The following NXPH1 variants were observed in gnomAD, a reference collection of about 807,000 sequenced individuals.
NXPH1 encodes the protein neurexophilin 1.
In NXPH1, 5 loss-of-function variants were observed where a neutral mutation model predicts 23.7. That is an observed-to-expected ratio of 0.21 (90% CI 0.11 to 0.44). The LOEUF is 0.44. Ranked by LOEUF, NXPH1 falls within the 20% of genes least tolerant of loss-of-function variation. NXPH1 has a pLI of 0.99. For synonymous variants in NXPH1, 144 were observed against 122.2 expected (o/e 1.18, Z -1.18); for missense variants, 324 against 321.6 (o/e 1.01, Z -0.06).
chr7:8,657,134 G>A (rs1422478172), intron 2 of NXPH1, among the ~76,000 whole-genome samples: 1 of 152,136 alleles, frequency 6.6e-6, no homozygotes, highest in African/African-American at 2.4e-5. Flanking sequence ...TTATTTCTTA[G>A]TCTTACAGTG....
chr7:8,478,061 A>G (rs1461742282), intron 2 of NXPH1, among the ~76,000 whole-genome samples: 3 of 152,144 alleles, frequency 2.0e-5, no homozygotes, highest in Non-Finnish European at 2.9e-5. Context: ...GAATAAAAAG[A>G]TGAATGCATG....
intron 2 of NXPH1, among the ~76,000 whole-genome samples, chr7:8,562,832 A>G (rs969912886): frequency 1.4e-4 from 21 of 151,724 alleles, no homozygotes; most frequent in African/African-American, 4.6e-4. Flanking sequence ...TTGAAAAAAC[A>G]TATCTCTAGT....
At chr7:8,678,404 C>T (rs955927450) in intron 2 of NXPH1, among the ~76,000 whole-genome samples, 2 of 152,168 alleles carry the variant, frequency 1.3e-5, no homozygotes, top group Non-Finnish European at 2.9e-5. Context: ...TGTACCCTTT[C>T]CCCTTCTAGA....
At position 8,525,662 on chromosome 7, in the gene NXPH1, C is replaced by T. The variant is rs146710341; in HGVS notation, c.54+89895C>T. On this transcript the variant is annotated intron_variant, in intron 2 of 2. Coordinates refer to ENST00000405863, the MANE Select transcript of NXPH1 (RefSeq NM_152745.3). ...CATGGTACCCTGTGTCCAAGCTCCTCTAGCCATGGCTGAAAGGGGCCAACA... is the reference window on the plus strand; with the variant it reads ...CATGGTACCCTGTGTCCAAGCTCCTTTAGCCATGGCTGAAAGGGGCCAACA... 3.5e-3 allele frequency among the ~76,000 whole-genome samples: 529 copies of T among 152,326 alleles called. 1 individual carries two copies. The highest frequency in any genetic ancestry group is 0.012 in the African/African-American group (500 of 41,578).
chr7:8,651,703 T>C (rs993724121), intron 2 of NXPH1, among the ~76,000 whole-genome samples: 13 of 152,330 alleles, frequency 8.5e-5, no homozygotes, highest in African/African-American at 3.1e-4. Flanking sequence ...TTAATTTTGG[T>C]TCATCATTTC....
rs568222982 is a variant in NXPH1, at chr7:8,593,157, T to C, written c.54+157390T>C. Among the ~76,000 whole-genome samples the C allele has an allele frequency of 3.3e-5, 5 of 150,526 alleles. No homozygotes were observed. The East Asian group carries it at 9.7e-4, about 29-fold the overall frequency. On this transcript the variant is annotated intron_variant, in intron 2 of 2. Transcript: ENST00000405863. ...AGTCCCTAAGCAGATTGCATGTTTC[T>C]CAGAGTAAGAAGCATTTTTTTTTTT...
rs961509046 is a variant in NXPH1 at position 8,703,393 on chromosome 7, G to A, written c.55-47615G>A. ...AATCACTTCCCTAAGTTATATGCAC[G>A]CTATTGAAATACCTGGTTTGGTTTT... is the stretch of plus-strand genomic sequence containing the variant. On this transcript the variant is annotated intron_variant, in intron 2 of 2. Coordinates refer to ENST00000405863, the MANE Select transcript of NXPH1 (RefSeq NM_152745.3). 3.9e-5 allele frequency among the ~76,000 whole-genome samples: 6 copies of A among 152,002 alleles called. 1 individual carries two copies. Among genetic ancestry groups the A allele is most frequent in the South Asian group, 4.2e-4 (2 of 4,818 alleles).
intron 2 of NXPH1, among the ~76,000 whole-genome samples, chr7:8,711,006 G>A (rs575803973): frequency 1.3e-5 from 2 of 152,328 alleles, no homozygotes; most frequent in African/African-American, 4.8e-5. Context: ...TCCATGGAAA[G>A]TAGATTTTAT....
At chr7:8,624,621 C>G (rs963195101) in intron 2 of NXPH1, among the ~76,000 whole-genome samples, 1 of 152,034 alleles carries the variant, frequency 6.6e-6, no homozygotes, top group Admixed American at 6.6e-5. Flanking sequence ...GTGAACACAC[C>G]ATGCATCTTT....
chr7:8,534,656 A>G (rs1475350887), intron 2 of NXPH1, among the ~76,000 whole-genome samples: 2 of 152,110 alleles, frequency 1.3e-5, no homozygotes, highest in Admixed American at 1.3e-4. Flanking sequence ...GAAATATCAA[A>G]CAATAACAGT....
Position 8,468,253 on chromosome 7 carries a change from C to T in NXPH1, c.54+32486C>T, listed in dbSNP as rs114125183. Among the ~76,000 whole-genome samples the T allele has an allele frequency of 8.0e-3, 1,222 of 152,050 alleles. 16 individuals are homozygous for T. Among genetic ancestry groups the T allele is most frequent in the African/African-American group, 0.027 (1,132 of 41,494 alleles). ...AAAATAAAGTCAGACAAATGTCAGA[C>T]AAATGGCCAAGTAAGAATGATCTTT... is the stretch of plus-strand genomic sequence containing the variant. On this transcript the variant is annotated intron_variant, in intron 2 of 2. Transcript: ENST00000405863.
intron 2 of NXPH1, among the ~76,000 whole-genome samples, chr7:8,597,754 C>T (rs1422686458): frequency 6.6e-6 from 1 of 151,472 alleles, no homozygotes; most frequent in Non-Finnish European, 1.5e-5. Context: ...CACCTTTCTA[C>T]TTGGCAACAT....
At position 8,648,395 on chromosome 7, in the gene NXPH1, G is replaced by C. The variant is rs145035211; in HGVS notation, c.55-102613G>C. On this transcript the variant is annotated intron_variant, in intron 2 of 2. Coordinates refer to ENST00000405863, the MANE Select transcript of NXPH1 (RefSeq NM_152745.3). ...ATTGTTTTGATTTTTAGATCCCACA[G>C]ATAAGTGAGAATATGTGATGTTTGT... is the stretch of plus-strand genomic sequence containing the variant. Among the ~76,000 whole-genome samples, 312 of 152,214 alleles carry C rather than the reference G, an allele frequency of 2.0e-3. 1 individual carries two copies. Among genetic ancestry groups the C allele is most frequent in the African/African-American group, 7.4e-3 (306 of 41,548 alleles).
chr7:8,441,411 T>A (rs533962841), intron 2 of NXPH1, among the ~76,000 whole-genome samples: 3 of 152,258 alleles, frequency 2.0e-5, no homozygotes, highest in South Asian at 4.1e-4. Context: ...GCGCGCGCAT[T>A]TTTCTGCCTC....
chr7:8,735,674 C>T (rs1024394385), intron 2 of NXPH1, among the ~76,000 whole-genome samples: 2 of 152,150 alleles, frequency 1.3e-5, no homozygotes, highest in African/African-American at 4.8e-5. Flanking sequence ...GGAGGACTCC[C>T]TCTTTTTCTG....
intron 2 of NXPH1, among the ~76,000 whole-genome samples, chr7:8,706,410 T>C (rs575470478): frequency 2.0e-5 from 3 of 152,314 alleles, no homozygotes; most frequent in Non-Finnish European, 4.4e-5. Flanking sequence ...CCTCAATGCA[T>C]AACTAAGCCC....
At chr7:8,578,857 G>A (rs1818807468) in intron 2 of NXPH1, among the ~76,000 whole-genome samples, 1 of 152,190 alleles carries the variant, frequency 6.6e-6, no homozygotes, top group Admixed American at 6.5e-5. Context: ...AAGATTGCAG[G>A]AGTTATCAAA....
chr7:8,669,815 C>T (rs1820838749), intron 2 of NXPH1, among the ~76,000 whole-genome samples: 1 of 152,168 alleles, frequency 6.6e-6, no homozygotes, highest in African/African-American at 2.4e-5. Context: ...TTCCTACTCT[C>T]TTTAATGAAT....
intron 2 of NXPH1, among the ~76,000 whole-genome samples, chr7:8,585,520 A>G (rs910597151): frequency 6.6e-6 from 1 of 152,212 alleles, no homozygotes; most frequent in Non-Finnish European, 1.5e-5. Context: ...TGGTAGAAAG[A>G]GTCGTAGGGA....
Sources: gnomAD v4.1 joint callset for allele counts (sites outside exome capture counted in the v4.1 genomes callset) on GRCh38, gnomAD v4.1.1 for gene constraint, MANE v1.5 for transcripts, NCBI Gene and HGNC (gene_info 2026-07-23, HGNC 2026-07-21) for gene names.